The following HELB variants were observed in gnomAD, a reference collection of about 807,000 sequenced individuals.
HELB encodes the protein DNA helicase B.
Under a neutral mutation model 101.7 loss-of-function variants are expected in HELB, and 96 were observed. That is an observed-to-expected ratio of 0.94 (90% CI 0.80 to 1.12). HELB has a LOEUF of 1.12. Ranked by LOEUF, HELB falls within the 50% of genes most tolerant of loss-of-function variation. The pLI, the probability that HELB is intolerant of heterozygous loss-of-function variation, is 0.00. For synonymous variants in HELB, 437 were observed against 459.7 expected, an observed-to-expected ratio of 0.95 and a Z score of 0.63; for missense variants, 1,210 against 1,291.9, an observed-to-expected ratio of 0.94 and a Z score of 0.97.
intron 9 of HELB, 55 bp downstream of exon 9, chr12:66,322,838 GT>G (rs34997562): frequency 0.031 from 27,169 of 874,792 alleles, no homozygotes; most frequent in South Asian, 0.051. Context: ...CGATTTGCTG[GT>G]TTTTTTTTTT....
rs2053647603 is a variant in HELB, at chr12:66,319,530, T to C, written c.2155+738T>C. On this transcript the variant is annotated intron_variant, in intron 7 of 12. Coordinates refer to ENST00000247815, the MANE Select transcript of HELB (RefSeq NM_001370285.1). ...TATTAAATTAGCTATTGCAAGTGAA[T>C]TTATTTAAATAGATTGAACTTATCT... 2.0e-5 allele frequency among the ~76,000 whole-genome samples: 3 copies of C among 152,214 alleles called. No individual in the cohort carries two copies. In the South Asian group the frequency reaches 6.2e-4, roughly 31 times the overall value.
chr12:66,303,366 G>A (rs895162955), intron 1 of HELB, among the ~76,000 whole-genome samples: 1 of 152,132 alleles, frequency 6.6e-6, no homozygotes, highest in East Asian at 1.9e-4. Context: ...GGTGGCTCAC[G>A]CACTTTGGGA....
chr12:66,328,484 G>C (rs556656142), intron 11 of HELB, among the ~76,000 whole-genome samples: 8 of 152,250 alleles, frequency 5.3e-5, no homozygotes, highest in Admixed American at 5.2e-4. Flanking sequence ...GATTTCCAGA[G>C]TCTGGGAGCT....
chr12:66,342,864 T>G, downstream of HELB: 1 of 151,790 alleles, frequency 6.6e-6, no homozygotes, highest in East Asian at 1.9e-4. Flanking sequence ...CTGGCTGATT[T>G]TTTGTATTTT....
chr12:66,304,176 A>T (rs2053443977), intron 1 of HELB, among the ~76,000 whole-genome samples: 1 of 152,266 alleles, frequency 6.6e-6, no homozygotes. Context: ...CTAGTGTATT[A>T]AACAAACATT....
chr12:66,310,760 GTC>G, intron 4 of HELB, 152 bp downstream of exon 4: 1 of 693,900 alleles, frequency 1.4e-6, no homozygotes, highest in South Asian at 1.9e-5. Context: ...GTGGAACCCT[GTC>G]TCTACTAAAA....
chr12:66,331,566 A>T lies in HELB; in HGVS notation c.3083A>T (p.Asp1028Val), dbSNP rs771666393. The T allele has an allele frequency of 6.2e-7, 1 of 1,613,284 alleles. No homozygotes were observed. Among genetic ancestry groups the T allele is most frequent in the African/African-American group, 1.3e-5 (1 of 74,932 alleles). ...TCTTCACCTGATGGAGTAGATACAG[A>T]TGATGATTTACCAAAATCGCGAGCA... ...QLSSPDGVDTDDDLPKSRASK... is the reference protein window; with the variant it reads ...QLSSPDGVDTVDDLPKSRASK... Residue 1028 changes from aspartate to valine, a missense_variant, in exon 12 of 13, where the codon GAT (aspartate) becomes GTT (valine). Transcript: ENST00000247815.
intron 12 of HELB, among the ~76,000 whole-genome samples, chr12:66,332,435 G>A (rs949906615): frequency 2.0e-5 from 3 of 152,084 alleles, no homozygotes; most frequent in South Asian, 2.1e-4. Flanking sequence ...TAAACAATTC[G>A]TCAATTTTAA....
At chr12:66,312,664 A>T (rs2053557726) in intron 4 of HELB, among the ~76,000 whole-genome samples, 1 of 152,274 alleles carries the variant, frequency 6.6e-6, no homozygotes, top group Admixed American at 6.5e-5. Flanking sequence ...TCTGCTTGGG[A>T]TGCTGAGTGA....
At chr12:66,326,399 C>T (rs892696397) in intron 11 of HELB, among the ~76,000 whole-genome samples, 14 of 152,014 alleles carry the variant, frequency 9.2e-5, no homozygotes, top group South Asian at 2.1e-4. Flanking sequence ...CATGCCACCA[C>T]GCCTGGCTAA....
chr12:66,318,762 TC>T lies in HELB; in HGVS notation c.2126del (p.Ser709PhefsTer43). On this transcript the variant is annotated frameshift_variant, in exon 7 of 13. Transcript: ENST00000247815. LOFTEE classifies it high-confidence loss of function. ...CAGGCTCCCAGAAGAGGATGCCAGT[TC>T]TCAGTCATCTAAAACTAATCATCAC... ...FVRLPEEDAS[S>X]QSSKTNHHSC... The T allele has an allele frequency of 1.2e-6, 2 of 1,609,324 alleles. No individual in the cohort carries two copies. Among genetic ancestry groups the T allele is most frequent in the Non-Finnish European group, 1.7e-6 (2 of 1,178,534 alleles).
chr12:66,328,991 G>A (rs2053775154), intron 11 of HELB, among the ~76,000 whole-genome samples: 1 of 152,178 alleles, frequency 6.6e-6, no homozygotes, highest in Admixed American at 6.5e-5. Flanking sequence ...TGAGTGAAAT[G>A]GGGAGCTGTT....
chr12:66,306,223 T>C, intron 2 of HELB, 122 bp from the exon 3 acceptor site: 1 of 591,036 alleles, frequency 1.7e-6, no homozygotes, highest in Non-Finnish European at 2.7e-6. Context: ...TTAAAGCAAG[T>C]GTACTAATCT....
chr12:66,314,019 A>G lies in HELB; in HGVS notation c.1714A>G (p.Met572Val). 1 of 1,613,896 alleles carries G rather than the reference A, an allele frequency of 6.2e-7. No homozygotes were observed. Among genetic ancestry groups the G allele is most frequent in the Non-Finnish European group, 8.5e-7 (1 of 1,179,814 alleles). The change falls in exon 5 of 13, where the codon ATG (methionine) becomes GTG (valine). Residue 572 changes from methionine (M) to valine (V), a missense_variant. Transcript: ENST00000247815. The part of the protein sequence containing the change: ...NYSFYSWTQT[M>V]MTTNKPWKFS... The stretch of plus-strand genomic sequence containing the variant: ...TAGCTTCTATTCATGGACTCAAACA[A>G]TGATGACCACAAACAAACCATGGAA...
At chr12:66,304,238 A>G (rs1592628293) in intron 1 of HELB, among the ~76,000 whole-genome samples, 1 of 152,200 alleles carries the variant, frequency 6.6e-6, no homozygotes. Context: ...AAGGAATGCT[A>G]AATAGTGCTT....
chr12:66,337,619 T>TA lies in HELB; in HGVS notation c.3163-366dup, dbSNP rs34804860. Among the ~76,000 whole-genome samples the TA allele has an allele frequency of 3.1e-3, 425 of 138,018 alleles. 1 individual carries two copies. The highest frequency in any genetic ancestry group is 0.01 in the East Asian group (50 of 4,766). The allele number at this position is 138,018 out of a possible 152,430, so 90.5% of individuals were successfully genotyped here. On this transcript the variant is annotated intron_variant, in intron 12 of 12. Transcript: ENST00000247815. ...GTCCTCCAGGACTCAGGCCCACACT[T>TA]AAAAAAAAAAAAAAAAGTTCTGTAA...
intron 11 of HELB, among the ~76,000 whole-genome samples, chr12:66,330,446 T>C (rs953838688): frequency 1.3e-5 from 2 of 151,800 alleles, no homozygotes; most frequent in African/African-American, 4.8e-5. Context: ...TTGTGATTTG[T>C]TTTGTTTCAT....
chr12:66,331,220 T>A lies in HELB; in HGVS notation c.2737T>A (p.Tyr913Asn). Residue 913 changes from tyrosine (Y) to asparagine (N), a missense_variant, in exon 12 of 13, where the codon TAC becomes AAC. Tyr to Asn is a moderately radical substitution (Grantham distance 143, BLOSUM62 -2). Coordinates refer to ENST00000247815, the MANE Select transcript of HELB (RefSeq NM_001370285.1). ...GGGCCGCCAGCACTGGCAGCATGTC[T>A]ACACCGCCGTGACCAGGGGCCGCTG... The part of the protein sequence containing the change: ...KAGRQHWQHV[Y>N]TAVTRGRCRV... 1.9e-6 allele frequency: 3 copies of A among 1,614,090 alleles called. No individual in the cohort carries two copies. The highest frequency in any genetic ancestry group is 1.7e-5 in the Admixed American group (1 of 60,022).
At chr12:66,309,578 G>A in intron 3 of HELB, 128 bp from the exon 4 acceptor site, 2 of 535,284 alleles carry the variant, frequency 3.7e-6, no homozygotes, top group East Asian at 5.9e-5. Context: ...AATTAGTGAT[G>A]TTCTATGGTA....
Sources: gnomAD v4.1 joint callset for allele counts (sites outside exome capture counted in the v4.1 genomes callset) on GRCh38, gnomAD v4.1.1 for gene constraint, MANE v1.5 for transcripts, NCBI Gene and HGNC (gene_info 2026-07-23, HGNC 2026-07-21) for gene names.